MGST2: variants seen among roughly 807,000 people sequenced by gnomAD.
MGST2 encodes glutathione peroxidase MGST2.
MGST2 carries 9 observed loss-of-function variants against 16.6 expected under a neutral mutation model. That is an observed-to-expected ratio of 0.54 (90% CI 0.33 to 0.95). MGST2 has a LOEUF of 0.95. MGST2 is among the 40% of genes least tolerant of loss of function. The pLI is 0.03. For synonymous variants in MGST2, 79 were observed against 68.0 expected (o/e 1.16, Z -0.79); for missense variants, 159 against 175.1 (o/e 0.91, Z 0.52).
chr4:139,718,600 G>C (rs1054491), intron 5 of MGST2: 28,977 of 152,442 alleles, frequency 0.19, 3,108 homozygotes, highest in African/African-American at 0.29. Context: ...GCAGAGGGAA[G>C]CCGTCCCAGG....
chr4:139,750,833 C>T, the MGST2 span, among the ~76,000 whole-genome samples: 3 of 152,276 alleles, frequency 2.0e-5, no homozygotes, highest in Admixed American at 6.5e-5. Flanking sequence ...CACTCCCTAC[C>T]CCCTTTTAAA....
chr4:139,723,041 C>T (rs1728300241), intron 5 of MGST2, among the ~76,000 whole-genome samples: 1 of 152,188 alleles, frequency 6.6e-6, no homozygotes, highest in Non-Finnish European at 1.5e-5. Context: ...TAATTTAGCC[C>T]CAAAGGTGAA....
intron 2 of MGST2, among the ~76,000 whole-genome samples, chr4:139,691,839 C>T (rs1163970966): frequency 6.6e-6 from 1 of 152,074 alleles, no homozygotes; most frequent in Non-Finnish European, 1.5e-5. Context: ...ACTGGGACTA[C>T]AGGCACCCGC....
intron 2 of MGST2, among the ~76,000 whole-genome samples, chr4:139,680,345 C>G (rs1731174143): frequency 6.6e-6 from 1 of 151,934 alleles, no homozygotes; most frequent in African/African-American, 2.4e-5. Flanking sequence ...CTCTTTATTT[C>G]TTTGTTTGCT....
chr4:139,671,753 C>T (rs1258548072), intron 1 of MGST2, among the ~76,000 whole-genome samples: 3 of 152,104 alleles, frequency 2.0e-5, no homozygotes, highest in Admixed American at 6.5e-5. Flanking sequence ...GTGATTCTCC[C>T]GGCTCAGCCT....
chr4:139,698,103 T>TG, intron 3 of MGST2: 1 of 1,196,420 alleles, frequency 8.4e-7, no homozygotes. Context: ...GAGAAATTTT[T>TG]TTTTTTTTGA....
chr4:139,721,541 A>G (rs964255853), intron 5 of MGST2, among the ~76,000 whole-genome samples: 1 of 152,238 alleles, frequency 6.6e-6, no homozygotes, highest in African/African-American at 2.4e-5. Flanking sequence ...GCACCCTGGT[A>G]GATAACTGAA....
At chr4:139,691,506 CAGA>C (rs1726578101) in intron 2 of MGST2, among the ~76,000 whole-genome samples, 1 of 152,044 alleles carries the variant, frequency 6.6e-6, no homozygotes, top group South Asian at 2.1e-4. Flanking sequence ...CAGAATCAGG[CAGA>C]AGGACATGGT....
intron 1 of MGST2, 44 bp from the exon 2 acceptor site, chr4:139,678,499 A>C (rs1175336672): frequency 7.0e-7 from 1 of 1,438,134 alleles, no homozygotes; most frequent in Non-Finnish European, 9.8e-7. Flanking sequence ...CTAATGACTA[A>C]TGACGTGCCC....
downstream of MGST2, among the ~76,000 whole-genome samples, chr4:139,741,552 C>T (rs1412520994): frequency 6.6e-6 from 1 of 151,880 alleles, no homozygotes; most frequent in African/African-American, 2.4e-5. Flanking sequence ...AGTTCAGGAC[C>T]AGCCTGGGCA....
intron 2 of MGST2, chr4:139,687,882 C>A (rs1409978374): frequency 6.6e-6 from 1 of 152,182 alleles, no homozygotes; most frequent in Non-Finnish European, 1.5e-5. Context: ...TAGAGTCTTG[C>A]CGTCTTTTGC....
At chr4:139,708,244 G>A (rs1481200073), downstream of MGST2, among the ~76,000 whole-genome samples, 3 of 152,182 alleles carry the variant, frequency 2.0e-5, no homozygotes, top group Non-Finnish European at 4.4e-5. Context: ...TTTGTATAAG[G>A]TGTAAGGAAG....
At position 139,735,362 on chromosome 4, in the gene MGST2, T is replaced by G. The variant is rs1463021739; in HGVS notation, c.*49-4850T>G. On this transcript the variant is annotated intron_variant, in intron 5 of 5. Coordinates refer to the MGST2 transcript ENST00000616265. The surrounding 1 kb of genome is among the most constrained non-coding windows in gnomAD (Gnocchi z 5.8). ...GAACTGGTTTCTCATTACCGACTTT[T>G]CTTCCAGCCGGAGGGGAGGAAGAAT... 6.6e-6 allele frequency among the ~76,000 whole-genome samples: 1 copy of G among 151,956 alleles called. No individual in the cohort carries two copies. The highest frequency in any genetic ancestry group is 2.4e-5 in the African/African-American group (1 of 41,364).
rs377263471 is a variant in MGST2 at position 139,665,974 on chromosome 4, C to G, written c.-46C>G. ...AAGGTCAGCATTCAAAGTCAAGAAG[C>G]GCCATTTATCTTCCCGTGCGCTCTA... On this transcript the variant is annotated 5_prime_UTR_variant, in exon 1 of 5. Coordinates refer to ENST00000265498, the MANE Select transcript of MGST2 (RefSeq NM_002413.5). 3 of 1,598,864 alleles carry G rather than the reference C, an allele frequency of 1.9e-6. No homozygotes were observed. In the African/African-American group the frequency reaches 4.0e-5, roughly 21 times the overall value.
rs984224698 is a variant in MGST2, at chr4:139,715,370, A to C, written c.*48+11174A>C. ...TTACCCAAAGGTAGCTGTTGGGTCT[A>C]GGTTTCTACACTATTGTCCCTTCGG... On this transcript the variant is annotated intron_variant, in intron 5 of 5. Coordinates refer to the MGST2 transcript ENST00000616265. The surrounding 1 kb of genome is among the most constrained non-coding windows in gnomAD (Gnocchi z 4.4). Among the ~76,000 whole-genome samples, 1 of 152,184 alleles carries C rather than the reference A, an allele frequency of 6.6e-6. No individual in the cohort carries two copies. Among genetic ancestry groups the C allele is most frequent in the East Asian group, 1.9e-4 (1 of 5,196 alleles).
chr4:139,724,344 G>T (rs886582192), intron 5 of MGST2, among the ~76,000 whole-genome samples: 1 of 152,276 alleles, frequency 6.6e-6, no homozygotes, highest in East Asian at 1.9e-4. Flanking sequence ...AGAAAGAAAA[G>T]TTTCTGATAT....
chr4:139,742,191 C>T (rs1418376881), downstream of MGST2, among the ~76,000 whole-genome samples: 1 of 149,754 alleles, frequency 6.7e-6, no homozygotes, highest in East Asian at 2.0e-4. Flanking sequence ...CTCTGTCAGC[C>T]AGGCTGAAGT....
Position 139,735,851 on chromosome 4 carries a change from C to A in MGST2, c.*49-4361C>A, listed in dbSNP as rs1728919264. ...CCCACGAGGCGGTCCCGGGCGCGGGCAGGGGCGGTGCGGCGGCGCTCGGGA... is the reference window on the plus strand; with the variant it reads ...CCCACGAGGCGGTCCCGGGCGCGGGAAGGGGCGGTGCGGCGGCGCTCGGGA... On this transcript the variant is annotated intron_variant, in intron 5 of 5. Transcript: ENST00000616265. This position sits in a 1 kb window ranked among gnomAD's most constrained non-coding sequence, Gnocchi z 5.8. Among the ~76,000 whole-genome samples, 1 of 151,874 alleles carries A rather than the reference C, an allele frequency of 6.6e-6. No homozygotes were observed. The highest frequency in any genetic ancestry group is 2.4e-5 in the African/African-American group (1 of 41,354).
At chr4:139,705,616 T>C (rs1238497882), downstream of MGST2, 1 of 151,056 alleles carries the variant, frequency 6.6e-6, no homozygotes, top group East Asian at 1.9e-4. Flanking sequence ...TATTGGTTTC[T>C]TGAACTCTTT....
Sources: gnomAD v4.1 joint callset for allele counts (sites outside exome capture counted in the v4.1 genomes callset) on GRCh38, gnomAD v4.1.1 for gene constraint, Gnocchi (gnomAD v3.1) non-coding constraint, MANE v1.5 for transcripts, NCBI Gene and HGNC (gene_info 2026-07-23, HGNC 2026-07-21) for gene names.